Variants in SEMA4C observed in about 807,000 individuals in gnomAD.
SEMA4C encodes the protein semaphorin-4C.
Under a neutral mutation model 89.0 loss-of-function variants are expected in SEMA4C, and 19 were observed. That is an observed-to-expected ratio of 0.21 (90% CI 0.15 to 0.31). SEMA4C has a LOEUF of 0.31. Ranked by LOEUF, SEMA4C falls within the 10% of genes least tolerant of loss-of-function variation. SEMA4C has a pLI of 1.00. For missense variants in SEMA4C, 811 were observed against 1,107.0 expected, an observed-to-expected ratio of 0.73 and a Z score of 3.79; for synonymous variants, 428 against 472.7, an observed-to-expected ratio of 0.91 and a Z score of 1.23.
upstream of SEMA4C, chr2:96,870,269 G>A (rs774325907): frequency 1.0e-6 from 1 of 985,496 alleles, no homozygotes; most frequent in Non-Finnish European, 1.2e-6. Context: ...CAACCCCTCC[G>A]GGTGTCCAGC....
rs1425630122 is a variant in SEMA4C at position 96,867,913 on chromosome 2, G to C, written c.-27C>G. ...GCGCACGCCCCGGCTCTGAGCTTCA[G>C]GCCAGCTGTCCTGCTGAGGGAAAAG... On this transcript the variant is annotated 5_prime_UTR_variant, in exon 2 of 15. Transcript: ENST00000305476. 22 of 1,613,284 alleles carry C rather than the reference G, an allele frequency of 1.4e-5. No individual in the cohort carries two copies. The highest frequency in any genetic ancestry group is 1.8e-5 in the Non-Finnish European group (21 of 1,179,992).
rs544311423 is a variant in SEMA4C, at chr2:96,864,545, C to T, written c.962+160G>A. 6.6e-6 allele frequency among the ~76,000 whole-genome samples: 1 copy of T among 152,312 alleles called. No individual in the cohort carries two copies. Among genetic ancestry groups the T allele is most frequent in the East Asian group, 1.9e-4 (1 of 5,168 alleles). ...CCTGGCATGGGGCCCTGCCCCTTCA[C>T]AGGCAGCTCTGAAAGGGGCAGGTGC... On this transcript the variant is annotated intron_variant, in intron 9 of 14. Transcript: ENST00000305476. The surrounding 1 kb of genome is among the most constrained non-coding windows in gnomAD (Gnocchi z 6.3).
rs984185276 is a variant in SEMA4C, at chr2:96,868,218, GAAAT to G, written c.-37-299_-37-296del. On this transcript the variant is annotated intron_variant, in intron 1 of 14. Transcript: ENST00000305476. Reference sequence around the variant, plus strand: ...CTCTGCGCAACAGGAAATCATTTGAGAAATAAAAAGGGGACCCCCGCCCAACATA... The same window carrying G: ...CTCTGCGCAACAGGAAATCATTTGAGAAAAAGGGGACCCCCGCCCAACATA... Among the ~76,000 whole-genome samples the G allele has an allele frequency of 8.5e-5, 13 of 152,178 alleles. 1 individual carries two copies. Among genetic ancestry groups the G allele is most frequent in the Admixed American group, 3.3e-4 (5 of 15,288 alleles).
intron 1 of SEMA4C, chr2:96,868,542 G>A: frequency 1.0e-6 from 1 of 986,008 alleles, no homozygotes. Flanking sequence ...GAAGGGCCGG[G>A]AGCGAAGGGG....
chr2:96,860,171 G>C lies in SEMA4C; in HGVS notation c.*455C>G, dbSNP rs982332375. 3 of 168,316 alleles carry C rather than the reference G, an allele frequency of 1.8e-5. No individual in the cohort carries two copies. The highest frequency in any genetic ancestry group is 7.2e-5 in the African/African-American group (3 of 41,808). 10.4% of individuals were successfully genotyped at this position (168,316 alleles called of 1,614,324 possible). A position where few individuals can be genotyped will look rare whatever the true frequency, so the allele number is the denominator to read the frequency against. ...GACACTCGGGGCAGTGGGGGTAGGA[G>C]AGACAAAGTGATACGACCCCTTCCC... On this transcript the variant is annotated 3_prime_UTR_variant, in exon 15 of 15. Coordinates refer to ENST00000305476, the MANE Select transcript of SEMA4C (RefSeq NM_017789.5).
Position 96,865,277 on chromosome 2 carries a change from C to T in SEMA4C, c.561G>A (p.Thr187=), listed in dbSNP as rs2080043266. ...YSATLNNFLG[T]EPIILRNMGP... is the part of the protein sequence containing the mutation. The stretch of plus-strand genomic sequence containing the variant: ...CCATGTTACGCAGGATAATGGGTTC[C>T]GTGCCCAGGAAGTTGTTGAGTGTGG... The change falls in exon 7 of 15, where the codon ACG becomes ACA. Residue 187 remains threonine, a synonymous_variant. Transcript: ENST00000305476. 8 of 1,614,064 alleles carry T rather than the reference C, an allele frequency of 5.0e-6. No homozygotes were observed. Among genetic ancestry groups the T allele is most frequent in the South Asian group, 3.3e-5 (3 of 91,088 alleles).
rs755815921 is a variant in SEMA4C, at chr2:96,861,327, C to T, written c.1801G>A (p.Gly601Arg). Residue 601 changes from glycine (G) to arginine (R), a missense_variant, in exon 15 of 15, where the codon GGG (glycine) becomes AGG (arginine). Gly to Arg is a moderately radical substitution (Grantham distance 125). This residue lies in a region of SEMA4C where 441 missense variants were observed against 664.9 expected (regional missense o/e 0.66). Transcript: ENST00000305476. The surrounding 1 kb of genome is among the most constrained non-coding windows in gnomAD (Gnocchi z 7.8). ...GGRDLPAEQP[G>R]SFLYDARLQA... ...AGCCGGGCATCGTAGAGGAAGGACCCGGGCTGTTCCGCAGGCAGGTCCCGG... is the reference window on the plus strand; with the variant it reads ...AGCCGGGCATCGTAGAGGAAGGACCTGGGCTGTTCCGCAGGCAGGTCCCGG... 1.0e-5 allele frequency: 16 copies of T among 1,607,042 alleles called. No individual in the cohort carries two copies. The highest frequency in any genetic ancestry group is 3.3e-4 in the Middle Eastern group (2 of 6,060).
At position 96,864,191 on chromosome 2, in the gene SEMA4C, T is replaced by C. The variant is rs962597933; in HGVS notation, c.1108-43A>G. The C allele has an allele frequency of 3.1e-6, 5 of 1,612,822 alleles. No homozygotes were observed. Among genetic ancestry groups the C allele is most frequent in the Non-Finnish European group, 4.2e-6 (5 of 1,179,766 alleles). On this transcript the variant is annotated intron_variant, in intron 10 of 14. Coordinates refer to ENST00000305476, the MANE Select transcript of SEMA4C (RefSeq NM_017789.5). The surrounding 1 kb of genome is among the most constrained non-coding windows in gnomAD (Gnocchi z 6.3). ...GGGGCAGGCCATCAGCAGGGTGGGA[T>C]GGCACCGCAGCTGGGTGGGGAGATG...
In SEMA4C at chr2:96,861,214, A is replaced by G; in HGVS notation, c.1914T>C (p.Ala638=). The change falls in exon 15 of 15, where the codon GCT becomes GCC. Residue 638 remains alanine, a synonymous_variant. Transcript: ENST00000305476. This position sits in a 1 kb window ranked among gnomAD's most constrained non-coding sequence, Gnocchi z 7.8. ...CCACGACAGCCACAAGGTAGCCTTC[A>G]GCAGCCAGCCGCGCCCCCTGCTCCT... The part of the protein sequence containing the change: ...FSEEQGARLA[A]EGYLVAVVAG... The G allele has an allele frequency of 6.2e-7, 1 of 1,610,618 alleles. No homozygotes were observed. Among genetic ancestry groups the G allele is most frequent in the Non-Finnish European group, 8.5e-7 (1 of 1,179,710 alleles).
intron 2 of SEMA4C, chr2:96,866,941 G>C (rs1276815234): frequency 6.9e-6 from 2 of 290,132 alleles, no homozygotes; most frequent in African/African-American, 4.4e-5. Flanking sequence ...CAGGCCACTA[G>C]GACAGGTGGG....
intron 1 of SEMA4C, chr2:96,868,756 G>A: frequency 2.0e-6 from 2 of 985,172 alleles, no homozygotes; most frequent in Non-Finnish European, 2.4e-6. Context: ...GGAGGTAGGG[G>A]CGGGGACGCG....
chr2:96,868,035 G>T (rs1320181446), intron 1 of SEMA4C, 112 bp from the exon 2 acceptor site: 2 of 1,400,086 alleles, frequency 1.4e-6, no homozygotes, highest in Non-Finnish European at 1.9e-6. Flanking sequence ...GAGCCCCGGT[G>T]CCCTCCTTCC....
At position 96,860,268 on chromosome 2, in the gene SEMA4C, C is replaced by T; in HGVS notation, c.*358G>A. 1 of 236,536 alleles carries T rather than the reference C, an allele frequency of 4.2e-6. No individual in the cohort carries two copies. The highest frequency in any genetic ancestry group is 8.1e-6 in the Non-Finnish European group (1 of 123,104). 14.7% of individuals were successfully genotyped at this position (236,536 alleles called of 1,614,324 possible). A position where few individuals can be genotyped will look rare whatever the true frequency, so the allele number is the denominator to read the frequency against. On this transcript the variant is annotated 3_prime_UTR_variant, in exon 15 of 15. Coordinates refer to ENST00000305476, the MANE Select transcript of SEMA4C (RefSeq NM_017789.5). ...ACTTGACAGAAACAGGAAGGCTATG[C>T]CACAAGCGCGCACGCGCGTGCACAC...
At position 96,865,513 on chromosome 2, in the gene SEMA4C, G is replaced by A. The variant is rs1353675068; in HGVS notation, c.445C>T (p.His149Tyr). Residue 149 changes from histidine to tyrosine, a missense_variant, in exon 6 of 15, where the codon CAT becomes TAT. His to Tyr is a moderately conservative substitution (Grantham distance 83). Around this residue, in one of 4 missense-constraint regions of SEMA4C, gnomAD observed 441 missense variants for 664.9 expected, o/e 0.66. Coordinates refer to ENST00000305476, the MANE Select transcript of SEMA4C (RefSeq NM_017789.5). ...YVNMLTFTLE[H>Y]GEFEDGKGKC... is the part of the protein sequence containing the mutation. Reference sequence around the variant, plus strand: ...CCCTTCCCATCTTCAAACTCTCCATGCTCCAAAGTGAAGGTGAGCATGTTC... The same window carrying A: ...CCCTTCCCATCTTCAAACTCTCCATACTCCAAAGTGAAGGTGAGCATGTTC... 2 of 1,614,032 alleles carry A rather than the reference G, an allele frequency of 1.2e-6. No homozygotes were observed. Among genetic ancestry groups the A allele is most frequent in the Non-Finnish European group, 1.7e-6 (2 of 1,180,010 alleles).
chr2:96,863,231 T>C (rs2079992605), intron 12 of SEMA4C: 1 of 993,480 alleles, frequency 1.0e-6, no homozygotes, highest in African/African-American at 1.7e-5. Flanking sequence ...AAAAAGAGTA[T>C]TGCACAAGGG....
At chr2:96,869,842 G>A in intron 1 of SEMA4C, 34 bp downstream of exon 1, 1 of 985,370 alleles carries the variant, frequency 1.0e-6, no homozygotes, top group South Asian at 4.7e-5. Context: ...GGGGCCCCGC[G>A]GCTCCAGCCT....
At position 96,861,915 on chromosome 2, in the gene SEMA4C, A is replaced by G. The variant is rs1378509474; in HGVS notation, c.1444-21T>C. On this transcript the variant is annotated intron_variant, in intron 12 of 14. Coordinates refer to ENST00000305476, the MANE Select transcript of SEMA4C (RefSeq NM_017789.5). This position sits in a 1 kb window ranked among gnomAD's most constrained non-coding sequence, Gnocchi z 7.8. ...AGCTTCTGCGAGAAAAGCGGGGCGC[A>G]GGAGGGGGGTCGGCCAGGGCCACAC... The G allele has an allele frequency of 2.5e-6, 4 of 1,592,758 alleles. No individual in the cohort carries two copies. The highest frequency in any genetic ancestry group is 2.2e-5 in the South Asian group (2 of 89,290).
At position 96,860,137 on chromosome 2, in the gene SEMA4C, TCGCTGCC is replaced by T. The variant is rs1483994851; in HGVS notation, c.*482_*488del. On this transcript the variant is annotated 3_prime_UTR_variant, in exon 15 of 15. Coordinates refer to ENST00000305476, the MANE Select transcript of SEMA4C (RefSeq NM_017789.5). ...TGTCCACCCCACCTCCATATGTACA[TCGCTGCC>T]CGACACTCGGGGCAGTGGGGGTAGG... The T allele has an allele frequency of 6.6e-6, 1 of 152,080 alleles. No homozygotes were observed. The highest frequency in any genetic ancestry group is 6.7e-5 in the Admixed American group (1 of 15,004). The allele number at this position is 152,080 out of a possible 1,614,324, so 9.4% of individuals were successfully genotyped here. A position where few individuals can be genotyped will look rare whatever the true frequency, so the allele number is the denominator to read the frequency against.
chr2:96,868,477 C>A, intron 1 of SEMA4C: 1 of 992,128 alleles, frequency 1.0e-6, no homozygotes, highest in Non-Finnish European at 1.2e-6. Flanking sequence ...CCAGCGCAGA[C>A]AATAGCCCTG....
Sources: gnomAD v4.1 joint callset for allele counts (sites outside exome capture counted in the v4.1 genomes callset) on GRCh38, gnomAD v4.1.1 for gene constraint, gnomAD v4.1.1 regional missense constraint, Gnocchi (gnomAD v3.1) non-coding constraint, MANE v1.5 for transcripts, NCBI Gene and HGNC (gene_info 2026-07-23, HGNC 2026-07-21) for gene names.